The following KCNJ6 variants were observed in gnomAD, a reference collection of about 807,000 sequenced individuals.
The protein encoded by KCNJ6 is potassium inwardly rectifying channel subfamily J member 6, also known as G protein-activated inward rectifier potassium channel 2.
In KCNJ6, 9 loss-of-function variants were observed where a neutral mutation model predicts 34.2. That is an observed-to-expected ratio of 0.26 (90% confidence interval 0.16 to 0.46). The LOEUF is 0.46. KCNJ6 is among the 20% of genes least tolerant of loss of function. The pLI is 1.00. For missense variants in KCNJ6, 236 were observed against 531.3 expected (o/e 0.44, Z 5.46); for synonymous variants, 196 against 207.1 (o/e 0.95, Z 0.46).
At chr21:37,730,239 T>C (rs746549734) in intron 2 of KCNJ6, among the ~76,000 whole-genome samples, 3 of 152,210 alleles carry the variant, frequency 2.0e-5, no homozygotes, top group Non-Finnish European at 4.4e-5. Context: ...ATATGCAAAA[T>C]AGGGTGAAAT....
At chr21:37,704,766 T>C (rs1039926185) in intron 3 of KCNJ6, among the ~76,000 whole-genome samples, 5 of 152,176 alleles carry the variant, frequency 3.3e-5, no homozygotes, top group Admixed American at 6.5e-5. Flanking sequence ...AAAGCCTATA[T>C]CTTTTTATTA....
chr21:37,732,337 C>T (rs2054889813), intron 2 of KCNJ6, among the ~76,000 whole-genome samples: 1 of 152,182 alleles, frequency 6.6e-6, no homozygotes, highest in African/African-American at 2.4e-5. Context: ...ATTGTGGTCA[C>T]CTATCCTGGA....
intron 3 of KCNJ6, among the ~76,000 whole-genome samples, chr21:37,712,147 A>G (rs2054756268): frequency 6.6e-6 from 1 of 152,188 alleles, no homozygotes; most frequent in African/African-American, 2.4e-5. Context: ...GGGAACACAA[A>G]GCTTAACTCC....
At chr21:37,649,920 A>ATT (rs10597774) in intron 3 of KCNJ6, among the ~76,000 whole-genome samples, 2 of 143,914 alleles carry the variant, frequency 1.4e-5, no homozygotes, top group African/African-American at 5.2e-5. Flanking sequence ...CACCCAGCTA[A>ATT]TTTTTTTTTT....
intron 2 of KCNJ6, among the ~76,000 whole-genome samples, chr21:37,777,798 T>C (rs2055149334): frequency 6.6e-6 from 1 of 152,220 alleles, no homozygotes; most frequent in African/African-American, 2.4e-5. Context: ...CTGTCACCAG[T>C]GTTCCCAGTA....
intron 2 of KCNJ6, among the ~76,000 whole-genome samples, chr21:37,772,242 A>G (rs1459669598): frequency 6.6e-6 from 1 of 152,210 alleles, no homozygotes; most frequent in Non-Finnish European, 1.5e-5. Context: ...AGGTTACCCA[A>G]TGGAAACAGA....
At chr21:37,794,961 G>T (rs1220451422) in intron 2 of KCNJ6, among the ~76,000 whole-genome samples, 1 of 152,042 alleles carries the variant, frequency 6.6e-6, no homozygotes, top group Non-Finnish European at 1.5e-5. Context: ...ATGCAATTCC[G>T]CCCATGAATG....
intron 3 of KCNJ6, among the ~76,000 whole-genome samples, chr21:37,674,103 T>C (rs1282918276): frequency 6.6e-6 from 1 of 152,220 alleles, no homozygotes; most frequent in Non-Finnish European, 1.5e-5. Flanking sequence ...CCCTGAAATA[T>C]GCCCCAGATA....
chr21:37,795,556 C>T (rs2055237124), intron 2 of KCNJ6, among the ~76,000 whole-genome samples: 2 of 151,996 alleles, frequency 1.3e-5, no homozygotes, highest in African/African-American at 4.8e-5. Context: ...GCCAGCCTGG[C>T]CAACATGGTG....
intron 2 of KCNJ6, among the ~76,000 whole-genome samples, chr21:37,799,933 C>T (rs1408016328): frequency 1.3e-5 from 2 of 152,078 alleles, no homozygotes. Context: ...AAAATTCCTA[C>T]AAAAAACTAT....
At chr21:37,859,532 A>ATATATATAAATAT (rs1568875152) in intron 1 of KCNJ6, among the ~76,000 whole-genome samples, 12 of 77,796 alleles carry the variant, frequency 1.5e-4, no homozygotes, top group African/African-American at 8.3e-4. Context: ...TATATATATA[A>ATATATATAAATAT]AATACTTAAA....
chr21:37,817,227 G>C (rs762926303), intron 2 of KCNJ6, among the ~76,000 whole-genome samples: 25 of 152,158 alleles, frequency 1.6e-4, no homozygotes, highest in Non-Finnish European at 2.6e-4. Context: ...TAGGTAACTG[G>C]GTTTGCAGCC....
chr21:37,625,091 G>T lies in KCNJ6; in HGVS notation c.*68C>A. ...GAACAAAGCAAGAGAGACAGAAAAAGAAAGAGAATGAGAGACAAGGAAAGA... is the reference window on the plus strand; with the variant it reads ...GAACAAAGCAAGAGAGACAGAAAAATAAAGAGAATGAGAGACAAGGAAAGA... On this transcript the variant is annotated 3_prime_UTR_variant, in exon 4 of 4. Transcript: ENST00000609713. The T allele has an allele frequency of 8.9e-7, 1 of 1,124,062 alleles. No individual in the cohort carries two copies. 69.6% of individuals were successfully genotyped at this position (1,124,062 alleles called of 1,614,324 possible).
intron 2 of KCNJ6, among the ~76,000 whole-genome samples, chr21:37,715,608 C>T (rs1324052175): frequency 6.6e-6 from 1 of 152,182 alleles, no homozygotes; most frequent in Non-Finnish European, 1.5e-5. Flanking sequence ...GGGCTTGAGC[C>T]CCAACCCCTA....
intron 3 of KCNJ6, among the ~76,000 whole-genome samples, chr21:37,706,722 A>G (rs2054721584): frequency 1.3e-5 from 2 of 152,254 alleles, no homozygotes; most frequent in African/African-American, 4.8e-5. Context: ...ATAGAAATTC[A>G]CATTTACTGT....
At chr21:37,770,452 T>C (rs1393026784) in intron 2 of KCNJ6, among the ~76,000 whole-genome samples, 4 of 152,130 alleles carry the variant, frequency 2.6e-5, no homozygotes, top group South Asian at 2.1e-4. Flanking sequence ...CTTGAGGTGA[T>C]TGATCCTTAT....
At chr21:37,887,876 G>A (rs1319371257) in intron 1 of KCNJ6, among the ~76,000 whole-genome samples, 2 of 152,208 alleles carry the variant, frequency 1.3e-5, no homozygotes, top group African/African-American at 4.8e-5. Flanking sequence ...AAAGTCACGG[G>A]AGCTGGGTCA....
rs191541701 is a variant in KCNJ6, at chr21:37,788,010, T to C, written c.25+52648A>G. On this transcript the variant is annotated intron_variant, in intron 2 of 3. Transcript: ENST00000609713. ...GGACAGAAAGCTAATGGGATTATGA[T>C]CTGGCTTTCATATTTTTCAAGTACC... Among the ~76,000 whole-genome samples the C allele has an allele frequency of 6.3e-3, 955 of 152,308 alleles. 8 individuals are homozygous for C. The highest frequency in any genetic ancestry group is 0.011 in the Non-Finnish European group (732 of 68,026).
At chr21:37,858,291 G>A (rs1393413801) in intron 1 of KCNJ6, among the ~76,000 whole-genome samples, 3 of 149,698 alleles carry the variant, frequency 2.0e-5, no homozygotes, top group African/African-American at 7.3e-5. Flanking sequence ...TACTCGGGAG[G>A]CTGAGGCAGG....
Sources: allele counts gnomAD v4.1 joint callset (sites outside exome capture counted in the v4.1 genomes callset), GRCh38; gene constraint gnomAD v4.1.1; transcripts MANE v1.5; gene names NCBI Gene and HGNC (gene_info 2026-07-23, HGNC 2026-07-21).